The following ACTL8 variants were observed in gnomAD, a reference collection of about 807,000 sequenced individuals.
The protein encoded by ACTL8 is actin like 8.
Under a neutral mutation model 9.3 loss-of-function variants are expected in ACTL8, and 3 were observed. That is an observed-to-expected ratio of 0.32 (90% CI 0.15 to 0.83). ACTL8 has a LOEUF of 0.83. ACTL8 is among the 40% of genes least tolerant of loss of function. The pLI is 0.57. For missense variants in ACTL8, 381 were observed against 492.2 expected (o/e 0.77, Z 2.14); for synonymous variants, 224 against 205.9 (o/e 1.09, Z -0.75).
intron 1 of ACTL8, among the ~76,000 whole-genome samples, chr1:17,773,804 A>C (rs552368347): frequency 6.6e-6 from 1 of 152,366 alleles, no homozygotes; most frequent in African/African-American, 2.4e-5. Context: ...ATAGAACAGC[A>C]CTTGGCCCAT....
At chr1:17,769,350 C>G (rs1390272653) in intron 1 of ACTL8, among the ~76,000 whole-genome samples, 2 of 152,148 alleles carry the variant, frequency 1.3e-5, no homozygotes, top group African/African-American at 4.8e-5. Context: ...TCTCCATTTC[C>G]TCTGTAAAGA....
At chr1:17,820,644 C>T (rs532291428) in intron 1 of ACTL8, among the ~76,000 whole-genome samples, 13 of 151,506 alleles carry the variant, frequency 8.6e-5, no homozygotes, top group South Asian at 6.3e-4. Flanking sequence ...CTTGGCTCAC[C>T]GCAACCTCCA....
intron 1 of ACTL8, among the ~76,000 whole-genome samples, chr1:17,779,003 G>A (rs11577496): frequency 0.28 from 42,251 of 151,992 alleles, 6,493 homozygotes; most frequent in Admixed American, 0.37. Flanking sequence ...GTTTTTGCCT[G>A]GAGGTGGGAT....
chr1:17,758,841 T>C (rs1281900206), intron 1 of ACTL8, among the ~76,000 whole-genome samples: 9 of 152,228 alleles, frequency 5.9e-5, no homozygotes, highest in Non-Finnish European at 1.3e-4. Flanking sequence ...GTAAGCACAC[T>C]TGGTAATTAT....
At chr1:17,811,499 G>T (rs959281284) in intron 1 of ACTL8, among the ~76,000 whole-genome samples, 1 of 152,174 alleles carries the variant, frequency 6.6e-6, no homozygotes, top group African/African-American at 2.4e-5. Flanking sequence ...TGGTGCTTTT[G>T]ATGTTGTACC....
rs906293785 is a variant in ACTL8 at position 17,826,587 on chromosome 1, T to A, written c.*68T>A. 2 of 1,420,948 alleles carry A rather than the reference T, an allele frequency of 1.4e-6. No individual in the cohort carries two copies. Among genetic ancestry groups the A allele is most frequent in the Non-Finnish European group, 1.9e-6 (2 of 1,074,372 alleles). The allele number at this position is 1,420,948 out of a possible 1,614,324, so 88.0% of individuals were successfully genotyped here. Reference sequence around the variant, plus strand: ...CACGGGCGGATTAATTTTAGCAAAATGTTCTGGGTGGGGGTAGAATGAGGT... The same window carrying A: ...CACGGGCGGATTAATTTTAGCAAAAAGTTCTGGGTGGGGGTAGAATGAGGT... On this transcript the variant is annotated 3_prime_UTR_variant, in exon 3 of 3. Transcript: ENST00000375406. The surrounding 1 kb of genome is among the most constrained non-coding windows in gnomAD (Gnocchi z 4.5).
intron 1 of ACTL8, among the ~76,000 whole-genome samples, chr1:17,781,812 C>CT (rs2066156808): frequency 6.6e-6 from 1 of 152,104 alleles, no homozygotes; most frequent in Non-Finnish European, 1.5e-5. Flanking sequence ...ACACAGCTCT[C>CT]TTTGATTTGT....
At chr1:17,824,874 T>C (rs2124196956) in intron 2 of ACTL8, among the ~76,000 whole-genome samples, 1 of 152,282 alleles carries the variant, frequency 6.6e-6, no homozygotes, top group Non-Finnish European at 1.5e-5. Flanking sequence ...CCTTGGCTGC[T>C]ATTTTGAGAA....
chr1:17,822,470 C>T (rs1010203339), intron 1 of ACTL8, among the ~76,000 whole-genome samples: 1 of 152,160 alleles, frequency 6.6e-6, no homozygotes, highest in Admixed American at 6.5e-5. Flanking sequence ...AGAAAATGGT[C>T]CCTGTAGCTG....
chr1:17,822,340 G>A (rs1039502067), intron 1 of ACTL8, among the ~76,000 whole-genome samples: 37 of 152,348 alleles, frequency 2.4e-4, no homozygotes, highest in Non-Finnish European at 3.8e-4. Context: ...CATGTATCAA[G>A]TGAAACCATG....
intron 1 of ACTL8, among the ~76,000 whole-genome samples, chr1:17,805,997 G>A (rs2066357776): frequency 6.6e-6 from 1 of 152,208 alleles, no homozygotes; most frequent in Non-Finnish European, 1.5e-5. Context: ...CTGGACATTG[G>A]TGTATCCATT....
chr1:17,774,090 G>A (rs989870652), intron 1 of ACTL8, among the ~76,000 whole-genome samples: 4 of 152,154 alleles, frequency 2.6e-5, no homozygotes, highest in South Asian at 2.1e-4. Flanking sequence ...TAGAGGTAGC[G>A]CCACCTTCTG....
chr1:17,764,543 A>G (rs969268887), intron 1 of ACTL8, among the ~76,000 whole-genome samples: 6 of 151,646 alleles, frequency 4.0e-5, no homozygotes, highest in African/African-American at 1.5e-4. Flanking sequence ...GGGGTTGGTG[A>G]TGCTGTGACT....
rs558185008 is a variant in ACTL8, at chr1:17,807,490, C to T, written c.-24-15495C>T. 5.3e-5 allele frequency among the ~76,000 whole-genome samples: 8 copies of T among 152,138 alleles called. No individual in the cohort carries two copies. In the East Asian group the frequency reaches 9.7e-4, roughly 18 times the overall value. On this transcript the variant is annotated intron_variant, in intron 1 of 2. Coordinates refer to ENST00000375406, the MANE Select transcript of ACTL8 (RefSeq NM_030812.3). ...ATCTCCTAGAGTTGTGCTGGGGAAA[C>T]GAGGAGTGAAGTAGTTGGCCTGGCG...
chr1:17,800,018 G>A (rs906931225), intron 1 of ACTL8, among the ~76,000 whole-genome samples: 5 of 152,162 alleles, frequency 3.3e-5, no homozygotes, highest in Middle Eastern at 3.4e-3. Context: ...TTAATGCCTC[G>A]GAGGCCAGAA....
At chr1:17,766,804 C>T (rs1008598996) in intron 1 of ACTL8, among the ~76,000 whole-genome samples, 8 of 150,276 alleles carry the variant, frequency 5.3e-5, no homozygotes, top group African/African-American at 2.0e-4. Context: ...AGCCATAATT[C>T]CTGGAACTTA....
intron 1 of ACTL8, among the ~76,000 whole-genome samples, chr1:17,790,596 T>A (rs1213986093): frequency 6.6e-6 from 1 of 152,178 alleles, no homozygotes; most frequent in Non-Finnish European, 1.5e-5. Flanking sequence ...TGGGCACCCA[T>A]GGGCGGGCCC....
chr1:17,773,889 G>A (rs534668277), intron 1 of ACTL8, among the ~76,000 whole-genome samples: 1 of 152,350 alleles, frequency 6.6e-6, no homozygotes, highest in East Asian at 1.9e-4. Flanking sequence ...AAGGGAGGGA[G>A]AAGAGGCTGT....
rs117458466 is a variant in ACTL8, at chr1:17,817,998, G to C, written c.-24-4987G>C. 3.9e-3 allele frequency among the ~76,000 whole-genome samples: 588 copies of C among 152,252 alleles called. 12 individuals are homozygous for C. In the East Asian group the frequency reaches 0.064, roughly 16 times the overall value. The stretch of plus-strand genomic sequence containing the variant: ...ATTACAGGTGTGAGCCACCGTGCCT[G>C]ACCTCAACCACGTTCAATTCCATCC... On this transcript the variant is annotated intron_variant, in intron 1 of 2. Coordinates refer to ENST00000375406, the MANE Select transcript of ACTL8 (RefSeq NM_030812.3).
Sources: gnomAD v4.1 joint callset for allele counts (sites outside exome capture counted in the v4.1 genomes callset) on GRCh38, gnomAD v4.1.1 for gene constraint, Gnocchi (gnomAD v3.1) non-coding constraint, MANE v1.5 for transcripts, NCBI Gene and HGNC (gene_info 2026-07-23, HGNC 2026-07-21) for gene names.